The following WDFY4 variants were observed in gnomAD, a reference collection of about 807,000 sequenced individuals.
WDFY4 encodes WD repeat- and FYVE domain-containing protein 4.
In WDFY4, 169 loss-of-function variants were observed where a neutral mutation model predicts 351.9. That is an observed-to-expected ratio of 0.48 (90% CI 0.42 to 0.55). The LOEUF is 0.55. Among genes scored for constraint, WDFY4 ranks in the 20% least tolerant of loss-of-function variants. The probability of loss-of-function intolerance (pLI) is 0.00; values close to 1 mark genes in which losing one functional copy is unlikely to be tolerated. For synonymous variants in WDFY4, 1,622 were observed against 1,574.6 expected, an observed-to-expected ratio of 1.03 and a Z score of -0.71; for missense variants, 3,803 against 3,935.6, an observed-to-expected ratio of 0.97 and a Z score of 0.90.
rs979368164 is a variant in WDFY4 at position 48,721,208 on chromosome 10, G to A, written c.350-53G>A. 4.6e-6 allele frequency: 7 copies of A among 1,514,596 alleles called. No homozygotes were observed. The African/African-American group carries it at 9.7e-5, about 21-fold the overall frequency. 93.8% of individuals were successfully genotyped at this position (1,514,596 alleles called of 1,614,324 possible). A position where few individuals can be genotyped will look rare whatever the true frequency, so the allele number is the denominator to read the frequency against. On this transcript the variant is annotated intron_variant, in intron 3 of 61. Coordinates refer to ENST00000325239, the MANE Select transcript of WDFY4 (RefSeq NM_001394531.1). Reference sequence around the variant, plus strand: ...GGGAAGAGGGGGCCCTGGATGGAGGGGAAGCTGAGTGGGCAGGTCGCTGTA... The same window carrying A: ...GGGAAGAGGGGGCCCTGGATGGAGGAGAAGCTGAGTGGGCAGGTCGCTGTA...
chr10:48,726,545 C>G (rs1256697574), intron 6 of WDFY4, among the ~76,000 whole-genome samples: 1 of 152,202 alleles, frequency 6.6e-6, no homozygotes, highest in African/African-American at 2.4e-5. Context: ...ACACTGGGAA[C>G]TATGTGTAGG....
chr10:48,953,955 C>A (rs968515513), intron 51 of WDFY4, among the ~76,000 whole-genome samples: 2 of 152,184 alleles, frequency 1.3e-5, no homozygotes, highest in African/African-American at 2.4e-5. Flanking sequence ...TAGAACATTT[C>A]TTTTCAGGTT....
chr10:48,831,695 G>A (rs774593047), intron 38 of WDFY4, among the ~76,000 whole-genome samples: 28 of 152,178 alleles, frequency 1.8e-4, no homozygotes, highest in Non-Finnish European at 4.1e-4. Context: ...TATTTGCTCA[G>A]TTCTGGAGGC....
At chr10:48,710,042 T>G (rs1009577679) in intron 2 of WDFY4, 76 bp downstream of exon 2, 3 of 1,358,378 alleles carry the variant, frequency 2.2e-6, no homozygotes, top group Admixed American at 2.5e-5. Context: ...ATAGTGAAGT[T>G]GATGGTTTTA....
chr10:48,913,492 T>G, intron 47 of WDFY4: 7 of 1,613,900 alleles, frequency 4.3e-6, no homozygotes, highest in Non-Finnish European at 5.9e-6. Context: ...TTGATTCTAT[T>G]CAGGTTGTCC....
intron 1 of WDFY4, among the ~76,000 whole-genome samples, chr10:48,708,745 C>T (rs1036623986): frequency 6.6e-6 from 1 of 152,052 alleles, no homozygotes; most frequent in Non-Finnish European, 1.5e-5. Flanking sequence ...AAACACTGCT[C>T]CTGTGTGCAC....
At chr10:48,780,800 C>G (rs1319652845) in intron 19 of WDFY4, among the ~76,000 whole-genome samples, 1 of 152,150 alleles carries the variant, frequency 6.6e-6, no homozygotes, top group East Asian at 1.9e-4. Context: ...GGAGAGCATC[C>G]CAAGCTGGCT....
At chr10:48,756,614 A>G (rs1280900035) in intron 12 of WDFY4, among the ~76,000 whole-genome samples, 2 of 152,080 alleles carry the variant, frequency 1.3e-5, no homozygotes, top group Non-Finnish European at 2.9e-5. Context: ...GTAGATGCCC[A>G]TTGTTAGGTT....
At chr10:48,928,014 G>T (rs976856643) in intron 47 of WDFY4, among the ~76,000 whole-genome samples, 4 of 152,182 alleles carry the variant, frequency 2.6e-5, no homozygotes, top group Non-Finnish European at 5.9e-5. Flanking sequence ...GGCAGACCTG[G>T]CCCCTTTGAA....
At chr10:48,700,977 G>A (rs562856444) in intron 1 of WDFY4, among the ~76,000 whole-genome samples, 19 of 152,224 alleles carry the variant, frequency 1.2e-4, no homozygotes, top group African/African-American at 4.3e-4. Context: ...TAGTTCAGTG[G>A]CATTGAGTAT....
Position 48,814,072 on chromosome 10 carries a change from C to T in WDFY4, c.5330C>T (p.Thr1777Ile). 1 of 1,548,552 alleles carries T rather than the reference C, an allele frequency of 6.5e-7. No individual in the cohort carries two copies. Among genetic ancestry groups the T allele is most frequent in the Non-Finnish European group, 8.7e-7 (1 of 1,145,006 alleles). ...CTCCTCCTGGAAATGCTGAAGGCCA[C>T]CATGAGCCAGGTGAGACCCATTCCC... ...ALLLLEMLKA[T>I]MSQPLAGSED... The change falls in exon 31 of 62, where the codon ACC (threonine) becomes ATC (isoleucine). Residue 1777 changes from threonine (T) to isoleucine (I), a missense_variant. Around this residue, in one of 3 missense-constraint regions of WDFY4, gnomAD observed 3,054 missense variants for 3,148.6 expected, o/e 0.97. Coordinates refer to ENST00000325239, the MANE Select transcript of WDFY4 (RefSeq NM_001394531.1).
At chr10:48,956,946 G>C (rs1841618827) in intron 51 of WDFY4, among the ~76,000 whole-genome samples, 183 bp from the exon 52 acceptor site, 2 of 152,216 alleles carry the variant, frequency 1.3e-5, no homozygotes. Flanking sequence ...AGAGACTAAT[G>C]AAGGAACCGG....
chr10:48,981,564 C>A, intron 61 of WDFY4, 86 bp downstream of exon 61: 2 of 1,331,912 alleles, frequency 1.5e-6, no homozygotes, highest in Non-Finnish European at 2.1e-6. Context: ...GAGTCCAGGC[C>A]ACCTGGCCGA....
chr10:48,821,001 G>GGGCACT (rs1328651622), intron 33 of WDFY4, 61 bp from the exon 34 acceptor site: 1 of 1,202,188 alleles, frequency 8.3e-7, no homozygotes, highest in East Asian at 2.6e-5. Flanking sequence ...GGGAGGCGGT[G>GGGCACT]GGCACTGGGT....
intron 6 of WDFY4, among the ~76,000 whole-genome samples, chr10:48,726,600 C>T (rs2064276523): frequency 6.6e-6 from 1 of 152,176 alleles, no homozygotes; most frequent in African/African-American, 2.4e-5. Context: ...GGACTGGACT[C>T]CAGCTCTGTC....
intron 6 of WDFY4, among the ~76,000 whole-genome samples, chr10:48,726,715 T>A (rs2064280448): frequency 6.6e-6 from 1 of 152,242 alleles, no homozygotes; most frequent in African/African-American, 2.4e-5. Flanking sequence ...TTGTTGTGAT[T>A]CTTTGCGGCT....
chr10:48,907,445 AT>A (rs1262799988), intron 47 of WDFY4, among the ~76,000 whole-genome samples: 8 of 152,194 alleles, frequency 5.3e-5, no homozygotes, highest in Non-Finnish European at 7.3e-5. Flanking sequence ...AACTGTATAA[AT>A]TCTTCATATA....
chr10:48,960,919 C>T (rs1664477393), intron 53 of WDFY4, among the ~76,000 whole-genome samples: 4 of 152,140 alleles, frequency 2.6e-5, no homozygotes, highest in Admixed American at 2.6e-4. Flanking sequence ...TTCCTAAGAT[C>T]TGAAGTAGGA....
At chr10:48,913,142 C>G (rs7913620) in intron 47 of WDFY4, among the ~76,000 whole-genome samples, 43,465 of 152,164 alleles carry the variant, frequency 0.29, 7,530 homozygotes, top group East Asian at 0.71. Flanking sequence ...ACAGGCCCTT[C>G]CTGACTCACT....
Sources: gnomAD v4.1 joint callset for allele counts (sites outside exome capture counted in the v4.1 genomes callset) on GRCh38, gnomAD v4.1.1 for gene constraint, gnomAD v4.1.1 regional missense constraint, MANE v1.5 for transcripts, NCBI Gene and HGNC (gene_info 2026-07-23, HGNC 2026-07-21) for gene names.